The following TMEM272 variants were observed in gnomAD, a reference collection of about 807,000 sequenced individuals.
TMEM272 encodes the protein transmembrane protein 272.
A neutral mutation model predicts 3.7 loss-of-function variants in TMEM272; 8 were observed. That is an observed-to-expected ratio of 2.17 (90% CI 1.27 to 3.91). TMEM272 has a LOEUF of 3.91. Ranked by LOEUF, TMEM272 falls within the 30% of genes most tolerant of loss-of-function variation. TMEM272 has a pLI of 0.00. For synonymous variants in TMEM272, 63 were observed against 39.8 expected, an observed-to-expected ratio of 1.58 and a Z score of -2.20; for missense variants, 166 against 91.5, an observed-to-expected ratio of 1.81 and a Z score of -3.32.
At chr13:51,858,589 G>T in the TMEM272 span, among the ~76,000 whole-genome samples, 1 of 152,150 alleles carries the variant, frequency 6.6e-6, no homozygotes, top group Non-Finnish European at 1.5e-5. Context: ...CATGTGAGAC[G>T]CAGGTAAGTG....
At chr13:51,856,836 C>T in the TMEM272 span, among the ~76,000 whole-genome samples, 2,659 of 152,184 alleles carry the variant, frequency 0.017, 78 homozygotes, top group African/African-American at 0.061. Flanking sequence ...CAACAGAAAC[C>T]AGACTAACTG....
At chr13:51,830,658 G>A (rs1473247250) in intron 2 of TMEM272, among the ~76,000 whole-genome samples, 1 of 152,144 alleles carries the variant, frequency 6.6e-6, no homozygotes, top group Non-Finnish European at 1.5e-5. Context: ...GGAGACCCAG[G>A]CTTCCCCTTT....
chr13:51,865,256 AT>A, the TMEM272 span: 1 of 697,592 alleles, frequency 1.4e-6, no homozygotes, highest in South Asian at 2.5e-5. Flanking sequence ...ATTTTCTCAA[AT>A]TCAGTAGTAC....
the TMEM272 span, among the ~76,000 whole-genome samples, chr13:51,902,136 T>G: frequency 2.0e-5 from 3 of 152,330 alleles, no homozygotes; most frequent in South Asian, 4.1e-4. Context: ...GAAGCCAACG[T>G]GCATTGGATG....
At chr13:51,826,138 C>CAA (rs11295480) in intron 3 of TMEM272, among the ~76,000 whole-genome samples, 6,899 of 123,102 alleles carry the variant, frequency 0.056, 272 homozygotes, top group Admixed American at 0.098. Context: ...ATTCATTCAG[C>CAA]AAAAAAAAAA....
the TMEM272 span, among the ~76,000 whole-genome samples, chr13:51,918,055 C>A: frequency 6.6e-6 from 1 of 152,212 alleles, no homozygotes; most frequent in Non-Finnish European, 1.5e-5. Flanking sequence ...ATCGATCTCT[C>A]TCCATCCTAA....
Position 51,831,138 on chromosome 13 carries a change from C to A in TMEM272, c.59-4513G>T, listed in dbSNP as rs1593595215. The stretch of plus-strand genomic sequence containing the variant: ...GGAAATCTGCATTTAAAAGCAACTT[C>A]CACCCTGGCATGGTTGCTCACACCT... On this transcript the variant is annotated intron_variant, in intron 2 of 4. Coordinates refer to ENST00000629372, the MANE Select transcript of TMEM272 (RefSeq NM_001351003.2). 2.0e-5 allele frequency among the ~76,000 whole-genome samples: 3 copies of A among 152,306 alleles called. No individual in the cohort carries two copies. The East Asian group carries it at 5.8e-4, about 29-fold the overall frequency.
chr13:51,904,053 A>C, the TMEM272 span, among the ~76,000 whole-genome samples: 1 of 151,698 alleles, frequency 6.6e-6, no homozygotes, highest in Non-Finnish European at 1.5e-5. Context: ...ACAAGTGAAC[A>C]CTCAATCTAA....
upstream of TMEM272, among the ~76,000 whole-genome samples, chr13:51,849,757 C>A (rs1956322527): frequency 1.3e-5 from 2 of 152,348 alleles, no homozygotes; most frequent in South Asian, 4.1e-4. Context: ...GAATAACTCT[C>A]CTGTCTTCCT....
the TMEM272 span, chr13:51,933,534 A>C: frequency 6.6e-6 from 1 of 152,214 alleles, no homozygotes; most frequent in East Asian, 1.9e-4. Context: ...CCAACTTCAG[A>C]GTCTAAAACT....
the TMEM272 span, among the ~76,000 whole-genome samples, chr13:51,857,565 A>T: frequency 6.6e-6 from 1 of 152,170 alleles, no homozygotes; most frequent in African/African-American, 2.4e-5. Context: ...CAGTAAAGAT[A>T]AAAATCCATT....
chr13:51,911,926 AGCCCACT>A, the TMEM272 span, among the ~76,000 whole-genome samples: 4,200 of 152,060 alleles, frequency 0.028, 123 homozygotes, highest in African/African-American at 0.069. Flanking sequence ...GAACACAACA[AGCCCACT>A]GCTGCCTCAG....
chr13:51,918,282 C>T, the TMEM272 span, among the ~76,000 whole-genome samples: 1 of 152,228 alleles, frequency 6.6e-6, no homozygotes, highest in Non-Finnish European at 1.5e-5. Flanking sequence ...ACTTTCCTGA[C>T]AGCCCCCTGG....
chr13:51,890,655 T>C, the TMEM272 span, among the ~76,000 whole-genome samples: 1 of 152,166 alleles, frequency 6.6e-6, no homozygotes, highest in Admixed American at 6.5e-5. Flanking sequence ...CACAAACTTA[T>C]GTTAAATGAA....
rs186586308 is a variant in TMEM272 at position 51,828,805 on chromosome 13, T to C, written c.59-2180A>G. The stretch of plus-strand genomic sequence containing the variant: ...AATATTCACATTTACTCCGCAAGAC[T>C]CAGGGCCAATATGAGGAAAGCGTGT... On this transcript the variant is annotated intron_variant, in intron 2 of 4. Coordinates refer to ENST00000629372, the MANE Select transcript of TMEM272 (RefSeq NM_001351003.2). 1.3e-3 allele frequency among the ~76,000 whole-genome samples: 199 copies of C among 152,324 alleles called. 1 individual carries two copies. The highest frequency in any genetic ancestry group is 5.1e-3 in the Admixed American group (78 of 15,302).
At chr13:51,849,016 G>A (rs1235812234), upstream of TMEM272, among the ~76,000 whole-genome samples, 2 of 151,914 alleles carry the variant, frequency 1.3e-5, no homozygotes, top group African/African-American at 4.8e-5. Flanking sequence ...AAACCTTCAG[G>A]GTCCCTCACT....
chr13:51,814,607 A>G lies in TMEM272; in HGVS notation c.*2144T>C, dbSNP rs902108167. The stretch of plus-strand genomic sequence containing the variant: ...CCTCTTCCTTACTGCTTTGGTGACA[A>G]GAAAACTCAAAGCTAAAAATATAGT... On this transcript the variant is annotated 3_prime_UTR_variant, in exon 5 of 5. Coordinates refer to ENST00000629372, the MANE Select transcript of TMEM272 (RefSeq NM_001351003.2). 6.6e-6 allele frequency: 1 copy of G among 152,252 alleles called. No homozygotes were observed. The highest frequency in any genetic ancestry group is 1.5e-5 in the Non-Finnish European group (1 of 68,040). The allele number at this position is 152,252 out of a possible 1,614,324, so 9.4% of individuals were successfully genotyped here. A position where few individuals can be genotyped will look rare whatever the true frequency, so the allele number is the denominator to read the frequency against.
chr13:51,865,847 T>C, the TMEM272 span: 1 of 1,613,774 alleles, frequency 6.2e-7, no homozygotes, highest in Non-Finnish European at 8.5e-7. Flanking sequence ...CAAGGCCCTG[T>C]GGGAGGAAGA....
At chr13:51,880,719 G>T in the TMEM272 span, among the ~76,000 whole-genome samples, 2 of 152,250 alleles carry the variant, frequency 1.3e-5, no homozygotes, top group South Asian at 2.1e-4. Context: ...CCACATTTTT[G>T]AATGTGGGCA....
Sources: allele counts gnomAD v4.1 joint callset (sites outside exome capture counted in the v4.1 genomes callset), GRCh38; gene constraint gnomAD v4.1.1; transcripts MANE v1.5; gene names NCBI Gene and HGNC (gene_info 2026-07-23, HGNC 2026-07-21).